Variants in PIEZO2 observed in about 807,000 individuals in gnomAD.
PIEZO2 encodes the protein piezo type mechanosensitive ion channel component 2.
In PIEZO2, 172 loss-of-function variants were observed where a neutral mutation model predicts 337.3. The ratio of observed to expected loss-of-function variants is 0.51; its 90% CI spans 0.45 to 0.58. The LOEUF is 0.58. Ranked by LOEUF, PIEZO2 falls within the 20% of genes least tolerant of loss-of-function variation. PIEZO2 has a pLI of 0.00. For missense variants in PIEZO2, 3,028 were observed against 3,391.3 expected, an observed-to-expected ratio of 0.89 and a Z score of 2.66; for synonymous variants, 1,251 against 1,228.5, an observed-to-expected ratio of 1.02 and a Z score of -0.38.
rs1480221916 is a variant in PIEZO2, at chr18:11,077,917, A to G, written c.65-11695T>C. Reference sequence around the variant, plus strand: ...AGTTTCAATCTTATTCAGTCCCCTGACATTCAAATGCCAAATGCTCATCCC... The same window carrying G: ...AGTTTCAATCTTATTCAGTCCCCTGGCATTCAAATGCCAAATGCTCATCCC... On this transcript the variant is annotated intron_variant, in intron 1 of 55. Transcript: ENST00000674853. This position sits in a 1 kb window ranked among gnomAD's most constrained non-coding sequence, Gnocchi z 4.8. 6.6e-6 allele frequency among the ~76,000 whole-genome samples: 1 copy of G among 151,878 alleles called. No homozygotes were observed. Among genetic ancestry groups the G allele is most frequent in the Non-Finnish European group, 1.5e-5 (1 of 67,982 alleles).
intron 18 of PIEZO2, among the ~76,000 whole-genome samples, chr18:10,778,181 C>T (rs576619402): frequency 1.3e-5 from 2 of 152,100 alleles, no homozygotes; most frequent in African/African-American, 2.4e-5. Flanking sequence ...TGAGAGAAAG[C>T]AAGCTTATAT....
Position 10,680,422 on chromosome 18 carries a change from T to C in PIEZO2, c.7780-51A>G, listed in dbSNP as rs143889614. 547 of 1,511,216 alleles carry C rather than the reference T, an allele frequency of 3.6e-4. 2 individuals carry two copies. In the African/African-American group the frequency reaches 6.9e-3, roughly 19 times the overall value. 93.6% of individuals were successfully genotyped at this position (1,511,216 alleles called of 1,614,324 possible). A position where few individuals can be genotyped will look rare whatever the true frequency, so the allele number is the denominator to read the frequency against. Reference sequence around the variant, plus strand: ...TAAATAGATTATATGCATCATGCTGTATAAAGAAAGCAGTCACTCTTCCTT... The same window carrying C: ...TAAATAGATTATATGCATCATGCTGCATAAAGAAAGCAGTCACTCTTCCTT... On this transcript the variant is annotated intron_variant, in intron 51 of 55. Coordinates refer to ENST00000674853, the MANE Select transcript of PIEZO2 (RefSeq NM_001378183.1).
chr18:11,113,144 A>G (rs181486948), intron 1 of PIEZO2, among the ~76,000 whole-genome samples: 6 of 152,294 alleles, frequency 3.9e-5, no homozygotes, highest in Admixed American at 6.5e-5. Context: ...GAAAACAGCA[A>G]CAGTTAACAT....
intron 2 of PIEZO2, among the ~76,000 whole-genome samples, chr18:11,015,455 A>G (rs2036083978): frequency 6.6e-6 from 1 of 152,248 alleles, no homozygotes; most frequent in African/African-American, 2.4e-5. Context: ...ATGGAAGTTA[A>G]TGGTAATTAA....
rs2041804512 is a variant in PIEZO2 at position 10,859,058 on chromosome 18, C to A, written c.493-1847G>T. Among the ~76,000 whole-genome samples, 1 of 152,178 alleles carries A rather than the reference C, an allele frequency of 6.6e-6. No homozygotes were observed. Among genetic ancestry groups the A allele is most frequent in the African/African-American group, 2.4e-5 (1 of 41,434 alleles). On this transcript the variant is annotated intron_variant, in intron 5 of 55. Coordinates refer to ENST00000674853, the MANE Select transcript of PIEZO2 (RefSeq NM_001378183.1). This position sits in a 1 kb window ranked among gnomAD's most constrained non-coding sequence, Gnocchi z 4.9. ...AATATCTCACAGTAATGAATGCCCC[C>A]TTCAGGGAGGTCGAATAGGGTGATG...
intron 20 of PIEZO2, 125 bp from the exon 21 acceptor site, chr18:10,770,433 A>C (rs986344487): frequency 1.4e-4 from 126 of 927,024 alleles, no homozygotes; most frequent in Middle Eastern, 8.6e-4. Flanking sequence ...GAATTCTAAG[A>C]AAACCAAAAT....
In PIEZO2 at chr18:11,111,231, A is replaced by C. The variant is rs1372625015; in HGVS notation, c.64+37294T>G. On this transcript the variant is annotated intron_variant, in intron 1 of 55. Coordinates refer to ENST00000674853, the MANE Select transcript of PIEZO2 (RefSeq NM_001378183.1). The surrounding 1 kb of genome is among the most constrained non-coding windows in gnomAD (Gnocchi z 6.2). ...CTCTGGCCGCACCTGGGTCCCCCAG[A>C]TGGAGATCTCTGGGGTCTGTGAGAA... Among the ~76,000 whole-genome samples the C allele has an allele frequency of 6.6e-6, 1 of 152,104 alleles. No homozygotes were observed. The highest frequency in any genetic ancestry group is 1.5e-5 in the Non-Finnish European group (1 of 68,010).
At chr18:10,811,095 C>A (rs963211502) in intron 7 of PIEZO2, among the ~76,000 whole-genome samples, 1 of 152,152 alleles carries the variant, frequency 6.6e-6, no homozygotes, top group African/African-American at 2.4e-5. Context: ...AGTTAATATT[C>A]ACCAATACCC....
chr18:11,083,898 C>G lies in PIEZO2; in HGVS notation c.65-17676G>C, dbSNP rs142761514. Among the ~76,000 whole-genome samples the G allele has an allele frequency of 1.2e-3, 186 of 151,956 alleles. No homozygotes were observed. Among genetic ancestry groups the G allele is most frequent in the African/African-American group, 4.1e-3 (172 of 41,460 alleles). On this transcript the variant is annotated intron_variant, in intron 1 of 55. Coordinates refer to ENST00000674853, the MANE Select transcript of PIEZO2 (RefSeq NM_001378183.1). The surrounding 1 kb of genome is among the most constrained non-coding windows in gnomAD (Gnocchi z 4.4). ...ATTCAATTAAGAGAAAGGAGAGGGC[C>G]GGGAGTGGGGGCTCATGCCTGTTAT...
rs532286426 is a variant in PIEZO2, at chr18:10,767,414, C to G, written c.2946+2734G>C. Among the ~76,000 whole-genome samples, 1 of 152,090 alleles carries G rather than the reference C, an allele frequency of 6.6e-6. No individual in the cohort carries two copies. Among genetic ancestry groups the G allele is most frequent in the South Asian group, 2.1e-4 (1 of 4,828 alleles). ...GCCTTGGGTAAGGATGTCTGGAACC[C>G]AGAGCTGCCACAGCTCCTGAAGAGC... On this transcript the variant is annotated intron_variant, in intron 21 of 55. Transcript: ENST00000674853. The surrounding 1 kb of genome is among the most constrained non-coding windows in gnomAD (Gnocchi z 4.2).
At chr18:10,678,641 T>C (rs1248889030) in intron 52 of PIEZO2, among the ~76,000 whole-genome samples, 1 of 152,186 alleles carries the variant, frequency 6.6e-6, no homozygotes, top group Non-Finnish European at 1.5e-5. Flanking sequence ...AACTAGTGTA[T>C]TATGTTGAGG....
intron 7 of PIEZO2, among the ~76,000 whole-genome samples, chr18:10,843,697 G>C (rs534154734): frequency 1.6e-3 from 247 of 152,264 alleles, no homozygotes; most frequent in Middle Eastern, 6.8e-3. Flanking sequence ...CATGCTACTT[G>C]ATACTGAGAG....
At chr18:11,144,231 C>T (rs1012127494) in intron 1 of PIEZO2, among the ~76,000 whole-genome samples, 4 of 152,220 alleles carry the variant, frequency 2.6e-5, no homozygotes, top group Admixed American at 2.6e-4. Context: ...TCATGCCCGT[C>T]TGTGTGGATG....
At chr18:10,698,769 C>T (rs1390096120) in intron 44 of PIEZO2, among the ~76,000 whole-genome samples, 156 bp downstream of exon 44, 1 of 152,156 alleles carries the variant, frequency 6.6e-6, no homozygotes, top group African/African-American at 2.4e-5. Context: ...GATTTGAACT[C>T]GGGTTTCTCT....
intron 4 of PIEZO2, among the ~76,000 whole-genome samples, chr18:10,896,657 T>C (rs939188898): frequency 4.6e-5 from 7 of 152,180 alleles, no homozygotes; most frequent in Non-Finnish European, 1.0e-4. Context: ...AATTTAATGT[T>C]GCTGCCTCCC....
At chr18:11,029,364 T>C (rs1171712786) in intron 2 of PIEZO2, among the ~76,000 whole-genome samples, 1 of 152,166 alleles carries the variant, frequency 6.6e-6, no homozygotes, top group Non-Finnish European at 1.5e-5. Context: ...CATATCAAAT[T>C]CATCCGTAAG....
intron 1 of PIEZO2, among the ~76,000 whole-genome samples, chr18:11,086,872 C>G (rs1281822260): frequency 1.3e-5 from 2 of 151,980 alleles, no homozygotes; most frequent in African/African-American, 2.4e-5. Context: ...AAACAAAATG[C>G]CTGTCATGTA....
At chr18:10,808,530 A>C (rs977089466) in intron 7 of PIEZO2, among the ~76,000 whole-genome samples, 1 of 152,246 alleles carries the variant, frequency 6.6e-6, no homozygotes, top group African/African-American at 2.4e-5. Context: ...CAAGTGTAAT[A>C]TTAGTGTATT....
chr18:11,060,049 G>C lies in PIEZO2; in HGVS notation c.160+6078C>G, dbSNP rs1333997750. On this transcript the variant is annotated intron_variant, in intron 2 of 55. Coordinates refer to ENST00000674853, the MANE Select transcript of PIEZO2 (RefSeq NM_001378183.1). ...AAATGTAAAAGAACAGAAATTATAA[G>C]AAACTGTCTCTCAGACCACAGTGCA... 2.8e-4 allele frequency among the ~76,000 whole-genome samples: 43 copies of C among 152,042 alleles called. No individual in the cohort carries two copies. In the South Asian group the frequency reaches 6.4e-3, roughly 23 times the overall value.
Sources: allele counts gnomAD v4.1 joint callset (sites outside exome capture counted in the v4.1 genomes callset), GRCh38; gene constraint gnomAD v4.1.1; non-coding constraint Gnocchi (gnomAD v3.1); transcripts MANE v1.5; gene names NCBI Gene and HGNC (gene_info 2026-07-23, HGNC 2026-07-21).